The following URGCP variants were observed in gnomAD, a reference collection of about 807,000 sequenced individuals.
URGCP encodes upregulator of cell proliferation.
In URGCP, 13 loss-of-function variants were observed where a neutral mutation model predicts 24.6. That is an observed-to-expected ratio of 0.53 (90% confidence interval 0.34 to 0.84). The LOEUF (loss-of-function observed/expected upper bound fraction) is 0.84, where lower values mean the gene tolerates loss of function less well. URGCP is among the 40% of genes least tolerant of loss of function. The pLI is 0.01. For missense variants in URGCP, 899 were observed against 1,194.3 expected (o/e 0.75, Z 3.64); for synonymous variants, 444 against 487.2 (o/e 0.91, Z 1.17).
At chr7:43,882,056 T>C (rs1264389691) in intron 3 of URGCP, 99 bp from the exon 4 acceptor site, 6 of 1,574,224 alleles carry the variant, frequency 3.8e-6, no homozygotes, top group Non-Finnish European at 5.2e-6. Context: ...CCCAGCACTT[T>C]AGGAGGCTGA....
rs569004491 is a variant in URGCP, at chr7:43,882,147, T to A, written c.113-190A>T. The A allele has an allele frequency of 2.2e-4, 209 of 941,892 alleles. No homozygotes were observed. In the African/African-American group the frequency reaches 2.3e-3, roughly 11 times the overall value. 58.3% of individuals were successfully genotyped at this position (941,892 alleles called of 1,614,324 possible). A position where few individuals can be genotyped will look rare whatever the true frequency, so the allele number is the denominator to read the frequency against. On this transcript the variant is annotated intron_variant, in intron 3 of 5. Coordinates refer to ENST00000453200, the MANE Select transcript of URGCP (RefSeq NM_001077663.3). ...ACCCTGTGTCTACAAAGACTTTTTT[T>A]AAAAAATTAGGCCAGGCATGGTGGC...
At chr7:43,898,532 C>T (rs1349957092) in intron 1 of URGCP, among the ~76,000 whole-genome samples, 1 of 151,804 alleles carries the variant, frequency 6.6e-6, no homozygotes, top group Non-Finnish European at 1.5e-5. Flanking sequence ...GTGAGAGTAT[C>T]ACTTGAGGTC....
intron 3 of URGCP, among the ~76,000 whole-genome samples, chr7:43,883,237 GC>G (rs2095856618): frequency 6.7e-6 from 1 of 149,176 alleles, no homozygotes; most frequent in Non-Finnish European, 1.5e-5. Context: ...GAAGGAGGGA[GC>G]AAGACTTCTC....
intron 1 of URGCP, among the ~76,000 whole-genome samples, chr7:43,903,735 A>G (rs1037480163): frequency 2.6e-5 from 4 of 152,210 alleles, no homozygotes; most frequent in Non-Finnish European, 5.9e-5. Context: ...GCTGCATACA[A>G]TTTCAGAGAA....
At chr7:43,921,392 C>A (rs1404059094) in intron 1 of URGCP, among the ~76,000 whole-genome samples, 1 of 151,742 alleles carries the variant, frequency 6.6e-6, no homozygotes, top group African/African-American at 2.4e-5. Context: ...GTGCTTTGAT[C>A]AGATATTTTT....
intron 1 of URGCP, chr7:43,919,311 C>T (rs1392787475): frequency 1.2e-6 from 1 of 829,406 alleles, no homozygotes; most frequent in Middle Eastern, 2.3e-4. Context: ...GGTGGTGCTG[C>T]ACAACACAGC....
At position 43,878,067 on chromosome 7, in the gene URGCP, A is replaced by T; in HGVS notation, c.1396T>A (p.Cys466Ser). ...TCTTTCGCTTTCTGACACTCCTCAC[A>T]GTCCTCGTCGACCTTTAGGCCCAGT... Reference protein sequence around the residue: ...RKLGLKVDEDCEECQKAKDRM... With the variant: ...RKLGLKVDEDSEECQKAKDRM... Residue 466 changes from cysteine to serine, a missense_variant, in exon 6 of 6, where the codon TGT becomes AGT. By Grantham distance (112) the Cys-to-Ser change is moderately radical. Coordinates refer to ENST00000453200, the MANE Select transcript of URGCP (RefSeq NM_001077663.3). The surrounding 1 kb of genome is among the most constrained non-coding windows in gnomAD (Gnocchi z 5.6). The T allele has an allele frequency of 6.2e-7, 1 of 1,614,200 alleles. No homozygotes were observed. Among genetic ancestry groups the T allele is most frequent in the Non-Finnish European group, 8.5e-7 (1 of 1,180,040 alleles).
chr7:43,879,291 A>AC, intron 5 of URGCP, 31 bp from the exon 6 acceptor site: 1 of 1,566,084 alleles, frequency 6.4e-7, no homozygotes. Flanking sequence ...ATAAGTGCTC[A>AC]CCCTGTGTTT....
intron 1 of URGCP, among the ~76,000 whole-genome samples, chr7:43,892,077 C>T (rs1018974956): frequency 6.6e-6 from 1 of 151,408 alleles, no homozygotes; most frequent in African/African-American, 2.4e-5. Context: ...CACTATTGCC[C>T]AGCCTATTTT....
At chr7:43,900,469 C>CAAAAAAAAAAAAAAAAAAAAAA (rs759728715) in intron 1 of URGCP, among the ~76,000 whole-genome samples, 5 of 114,496 alleles carry the variant, frequency 4.4e-5, no homozygotes, top group Non-Finnish European at 5.4e-5. Flanking sequence ...AAAACCAAAA[C>CAAAAAAAAAAAAAAAAAAAAAA]AAAAAAAAAA....
intron 1 of URGCP, chr7:43,888,997 C>G (rs911677664): frequency 2.0e-5 from 3 of 152,182 alleles, no homozygotes; most frequent in Non-Finnish European, 2.9e-5. Flanking sequence ...GGCACAGGAG[C>G]CAGCCTGAGG....
At chr7:43,925,429 C>G (rs954661362) in intron 1 of URGCP, among the ~76,000 whole-genome samples, 14 of 152,274 alleles carry the variant, frequency 9.2e-5, no homozygotes, top group East Asian at 7.7e-4. Flanking sequence ...CATACACACA[C>G]CAACAAAACT....
upstream of URGCP, chr7:43,926,592 CCGAAGCGT>C: frequency 6.4e-7 from 1 of 1,551,890 alleles, no homozygotes; most frequent in South Asian, 1.2e-5. Context: ...CTTTGGGTGT[CCGAAGCGT>C]CGAGGTGTGG....
intron 3 of URGCP, among the ~76,000 whole-genome samples, chr7:43,883,976 A>G (rs886614932): frequency 2.6e-5 from 4 of 152,208 alleles, no homozygotes; most frequent in Non-Finnish European, 5.9e-5. Flanking sequence ...ATGCCCTGTG[A>G]GGAGAGAAAA....
At chr7:43,903,136 A>G (rs938446667) in intron 1 of URGCP, among the ~76,000 whole-genome samples, 2 of 145,970 alleles carry the variant, frequency 1.4e-5, no homozygotes, top group Non-Finnish European at 3.1e-5. Context: ...AAAAAAAAAA[A>G]GAGAGAGAGA....
intron 1 of URGCP, among the ~76,000 whole-genome samples, chr7:43,917,628 A>G (rs927082735): frequency 1.3e-5 from 2 of 152,034 alleles, no homozygotes; most frequent in Non-Finnish European, 2.9e-5. Context: ...TTCATGAACC[A>G]CCTTAAATTT....
chr7:43,888,802 C>G (rs1357305732), intron 1 of URGCP: 1 of 152,120 alleles, frequency 6.6e-6, no homozygotes, highest in Non-Finnish European at 1.5e-5. Flanking sequence ...CCTAACTGTC[C>G]ACGGAAAGGG....
intron 1 of URGCP, among the ~76,000 whole-genome samples, chr7:43,894,510 G>A (rs1280096620): frequency 6.6e-6 from 1 of 152,018 alleles, no homozygotes; most frequent in Non-Finnish European, 1.5e-5. Context: ...ATGCCACCAT[G>A]CCCAGCTAAT....
intron 1 of URGCP, among the ~76,000 whole-genome samples, chr7:43,914,013 T>G (rs2095913018): frequency 6.6e-6 from 1 of 152,138 alleles, no homozygotes; most frequent in African/African-American, 2.4e-5. Context: ...TTATTTGTTT[T>G]TTTATAGAGA....
Sources: gnomAD v4.1 joint callset for allele counts (sites outside exome capture counted in the v4.1 genomes callset) on GRCh38, gnomAD v4.1.1 for gene constraint, Gnocchi (gnomAD v3.1) non-coding constraint, MANE v1.5 for transcripts, NCBI Gene and HGNC (gene_info 2026-07-23, HGNC 2026-07-21) for gene names.